The following SAMD5 variants were observed in gnomAD, a reference collection of about 807,000 sequenced individuals.
SAMD5 encodes the protein sterile alpha motif domain containing 5, also known as sterile alpha motif domain-containing protein 5.
A neutral mutation model predicts 11.3 loss-of-function variants in SAMD5; 13 were observed. The observed-to-expected ratio is 1.15, with a 90% CI of 0.75 to 1.83. The LOEUF (loss-of-function observed/expected upper bound fraction) is 1.83, where lower values mean the gene tolerates loss of function less well. SAMD5 is among the 40% of genes most tolerant of loss of function. SAMD5 has a pLI of 0.00. For missense variants in SAMD5, 255 were observed against 239.1 expected, an observed-to-expected ratio of 1.07 and a Z score of -0.44; for synonymous variants, 129 against 111.3, an observed-to-expected ratio of 1.16 and a Z score of -1.00.
At chr6:147,944,879 C>T in the SAMD5 span, among the ~76,000 whole-genome samples, 35 of 152,320 alleles carry the variant, frequency 2.3e-4, no homozygotes, top group South Asian at 1.5e-3. Context: ...AGCCAGCAGG[C>T]CTTGGCATTC....
the SAMD5 span, among the ~76,000 whole-genome samples, chr6:147,750,726 C>T: frequency 6.6e-6 from 1 of 152,214 alleles, no homozygotes; most frequent in African/African-American, 2.4e-5. Context: ...GAGTTTGAGA[C>T]TACCCTGGCC....
At chr6:147,902,119 A>C in the SAMD5 span, among the ~76,000 whole-genome samples, 1 of 150,854 alleles carries the variant, frequency 6.6e-6, no homozygotes, top group African/African-American at 2.4e-5. Context: ...TTAAGCCTTG[A>C]ATAGTATGGC....
chr6:147,704,757 T>A (rs1791301735), intron 1 of SAMD5, among the ~76,000 whole-genome samples: 1 of 152,150 alleles, frequency 6.6e-6, no homozygotes, highest in African/African-American at 2.4e-5. Context: ...CTGTGTTTTT[T>A]AAAAAATACA....
the SAMD5 span, among the ~76,000 whole-genome samples, chr6:147,805,037 C>T: frequency 2.0e-5 from 3 of 152,212 alleles, no homozygotes; most frequent in Non-Finnish European, 2.9e-5. Flanking sequence ...CTTGAAGGAA[C>T]TGAAACATAG....
chr6:147,848,663 G>C, the SAMD5 span, among the ~76,000 whole-genome samples: 1 of 152,124 alleles, frequency 6.6e-6, no homozygotes, highest in Non-Finnish European at 1.5e-5. Flanking sequence ...TGTGAAGTTA[G>C]GGGCTTTGCC....
At chr6:147,924,728 C>A in the SAMD5 span, among the ~76,000 whole-genome samples, 2 of 150,516 alleles carry the variant, frequency 1.3e-5, no homozygotes, top group African/African-American at 4.9e-5. Flanking sequence ...ATATAAATAA[C>A]CAAACAAAAC....
intron 1 of SAMD5, among the ~76,000 whole-genome samples, chr6:147,534,731 G>C (rs1310249752): frequency 6.6e-6 from 1 of 152,136 alleles, no homozygotes; most frequent in Non-Finnish European, 1.5e-5. Flanking sequence ...ATCCATCAAG[G>C]GCAGGCAAAA....
At chr6:147,659,326 G>T (rs1790614285) in intron 1 of SAMD5, among the ~76,000 whole-genome samples, 1 of 152,034 alleles carries the variant, frequency 6.6e-6, no homozygotes, top group South Asian at 2.1e-4. Context: ...CATGTCCCTG[G>T]TTCTGTGAAT....
the SAMD5 span, among the ~76,000 whole-genome samples, chr6:147,896,166 A>G: frequency 2.0e-5 from 3 of 152,198 alleles, no homozygotes; most frequent in African/African-American, 7.2e-5. Flanking sequence ...ATTCTCCAGA[A>G]TGGTCACATT....
Position 147,566,639 on chromosome 6 carries a change from T to G in SAMD5, c.*2183T>G, listed in dbSNP as rs763947314. The G allele has an allele frequency of 1.0e-6, 1 of 980,390 alleles. No homozygotes were observed. The highest frequency in any genetic ancestry group is 1.2e-6 in the Non-Finnish European group (1 of 825,044). 60.7% of individuals were successfully genotyped at this position (980,390 alleles called of 1,614,324 possible). A position where few individuals can be genotyped will look rare whatever the true frequency, so the allele number is the denominator to read the frequency against. On this transcript the variant is annotated 3_prime_UTR_variant, in exon 2 of 2. Transcript: ENST00000367474. Reference sequence around the variant, plus strand: ...CAATTATTTTGCCAGGTTTAAACCTTCTCTCTGTGTCTGTGGTTAGAATTT... The same window carrying G: ...CAATTATTTTGCCAGGTTTAAACCTGCTCTCTGTGTCTGTGGTTAGAATTT...
At chr6:147,572,051 C>T (rs912155300), downstream of SAMD5, among the ~76,000 whole-genome samples, 4 of 151,972 alleles carry the variant, frequency 2.6e-5, no homozygotes, top group Non-Finnish European at 5.9e-5. Flanking sequence ...GGGTTTGTTC[C>T]CCACTTGGTG....
At chr6:147,559,502 C>T (rs892378877) in intron 1 of SAMD5, among the ~76,000 whole-genome samples, 6 of 152,102 alleles carry the variant, frequency 3.9e-5, no homozygotes, top group Non-Finnish European at 8.8e-5. Context: ...AGGTTAGAAA[C>T]CGTGTAGAAG....
the SAMD5 span, among the ~76,000 whole-genome samples, chr6:147,794,637 G>A: frequency 6.2e-4 from 94 of 152,166 alleles, no homozygotes; most frequent in East Asian, 0.015. Flanking sequence ...AACTTTTACC[G>A]ATTTCTCCAT....
chr6:147,758,444 T>C, the SAMD5 span, among the ~76,000 whole-genome samples: 1 of 152,204 alleles, frequency 6.6e-6, no homozygotes, highest in Non-Finnish European at 1.5e-5. Context: ...CATAAAGAAA[T>C]GAGGCATGCC....
intron 1 of SAMD5, among the ~76,000 whole-genome samples, chr6:147,681,961 A>G (rs1246848427): frequency 6.6e-6 from 1 of 152,096 alleles, no homozygotes; most frequent in Non-Finnish European, 1.5e-5. Context: ...GGTGCTGGGT[A>G]GTTGGGTTAG....
the SAMD5 span, among the ~76,000 whole-genome samples, chr6:147,894,456 A>G: frequency 2.6e-5 from 4 of 152,076 alleles, no homozygotes; most frequent in Admixed American, 1.3e-4. Flanking sequence ...TCTGTAGGTC[A>G]CCCAGAAAAA....
At chr6:147,515,980 C>T (rs753022544) in intron 1 of SAMD5, among the ~76,000 whole-genome samples, 2 of 152,140 alleles carry the variant, frequency 1.3e-5, no homozygotes, top group Non-Finnish European at 2.9e-5. Context: ...GAAGACCTCT[C>T]TCTGCAGCAT....
At chr6:147,750,838 C>CT in the SAMD5 span, among the ~76,000 whole-genome samples, 20 of 152,198 alleles carry the variant, frequency 1.3e-4, no homozygotes, top group African/African-American at 4.8e-4. Flanking sequence ...AAGAGAATAG[C>CT]TTGAACCCGG....
At chr6:147,842,990 G>A in the SAMD5 span, among the ~76,000 whole-genome samples, 1 of 152,106 alleles carries the variant, frequency 6.6e-6, no homozygotes, top group Non-Finnish European at 1.5e-5. Context: ...CTCTCAAGTA[G>A]CTGGGATTAC....
Sources: allele counts gnomAD v4.1 joint callset (sites outside exome capture counted in the v4.1 genomes callset), GRCh38; gene constraint gnomAD v4.1.1; transcripts MANE v1.5; gene names NCBI Gene and HGNC (gene_info 2026-07-23, HGNC 2026-07-21).